The following DMD variants were observed in gnomAD, a reference collection of about 807,000 sequenced individuals.
DMD encodes mutant dystrophin.
Under a neutral mutation model 330.1 loss-of-function variants are expected in DMD, and 63 were observed. That is an observed-to-expected ratio of 0.19 (90% CI 0.16 to 0.24). The LOEUF (loss-of-function observed/expected upper bound fraction) is 0.24, where lower values mean the gene tolerates loss of function less well. DMD is among the 10% of genes least tolerant of loss of function. The pLI is 1.00. For missense variants in DMD, 3,344 were observed against 2,684.1 expected (o/e 1.25, Z -5.43); for synonymous variants, 1,223 against 959.8 (o/e 1.27, Z -5.07).
chrX:31,743,178 T>C (rs1312465382), intron 51 of DMD, among the ~76,000 whole-genome samples: 2 of 112,051 alleles, frequency 1.8e-5, no homozygotes, highest in South Asian at 3.7e-4. Context: ...CTGGCTATTA[T>C]TAAAAAGTCA....
chrX:32,842,214 G>T (rs1035027221), intron 4 of DMD, among the ~76,000 whole-genome samples: 1 of 111,979 alleles, frequency 8.9e-6, no homozygotes, highest in South Asian at 3.7e-4. Flanking sequence ...TCAGCGAAAC[G>T]GACAATGAAT....
chrX:32,699,460 G>A (rs927050278), intron 7 of DMD, among the ~76,000 whole-genome samples, 167 bp from the exon 8 acceptor site: 2 of 111,863 alleles, frequency 1.8e-5, no homozygotes, highest in Non-Finnish European at 3.8e-5. Context: ...GGCCTAAAAT[G>A]TCTTTCCAAT....
chrX:31,197,250 G>A (rs1329908125), intron 67 of DMD, among the ~76,000 whole-genome samples: 1 of 111,622 alleles, frequency 9.0e-6, no homozygotes, highest in Admixed American at 9.5e-5. Context: ...CGGTTTCAAA[G>A]CCTATGCACT....
intron 1 of DMD, among the ~76,000 whole-genome samples, chrX:33,150,499 G>A (rs2048235605): frequency 9.1e-6 from 1 of 109,291 alleles, no homozygotes; most frequent in African/African-American, 3.3e-5. Flanking sequence ...TCGCCATACT[G>A]GCCAGGTTGG....
intron 17 of DMD, among the ~76,000 whole-genome samples, chrX:32,520,087 T>C (rs2046271321): frequency 8.9e-6 from 1 of 111,833 alleles, no homozygotes; most frequent in Non-Finnish European, 1.9e-5. Context: ...CTAAATCCCA[T>C]GTCACTGAAT....
chrX:32,348,262 G>T, intron 38 of DMD, 144 bp downstream of exon 38: 1 of 612,629 alleles, frequency 1.6e-6, no homozygotes, highest in Non-Finnish European at 2.6e-6. Context: ...AAAAGGCCAA[G>T]AATATTCTGC....
intron 6 of DMD, among the ~76,000 whole-genome samples, chrX:32,810,122 C>CA (rs1168368689): frequency 9.1e-6 from 1 of 109,476 alleles, no homozygotes; most frequent in Admixed American, 9.8e-5. Context: ...GACCCTGTAT[C>CA]AAAAAAGAAT....
chrX:31,323,656 A>C lies in DMD; in HGVS notation c.9166T>G (p.Ser3056Ala). Residue 3056 changes from serine (S) to alanine (A), a missense_variant and splice_region_variant, in exon 62 of 79, where the codon TCT becomes GCT. Physicochemically the swap from Ser to Ala is moderately conservative, Grantham distance 99. Coordinates refer to ENST00000357033, the MANE Select transcript of DMD (RefSeq NM_004006.3). The stretch of plus-strand genomic sequence containing the variant: ...GCTCTCTCCCAGGGACCCTGGACAG[A>C]CGCTGAAAAGAAGGGAGGAAAAAAA... ...GPASQHFLSTSVQGPWERAIS... is the reference protein window; with the variant it reads ...GPASQHFLSTAVQGPWERAIS... 1 of 1,209,310 alleles carries C rather than the reference A, an allele frequency of 8.3e-7. No individual in the cohort carries two copies. Among genetic ancestry groups the C allele is most frequent in the Non-Finnish European group, 1.1e-6 (1 of 893,754 alleles).
intron 26 of DMD, among the ~76,000 whole-genome samples, chrX:32,454,189 T>A (rs1420674396): frequency 9.0e-6 from 1 of 111,409 alleles, no homozygotes; most frequent in Non-Finnish European, 1.9e-5. Context: ...AAAGTACATG[T>A]AAACTCAGTC....
At chrX:32,258,419 G>T (rs1365221539) in intron 43 of DMD, among the ~76,000 whole-genome samples, 1 of 111,524 alleles carries the variant, frequency 9.0e-6, no homozygotes, top group African/African-American at 3.3e-5. Flanking sequence ...CAACCCAAAT[G>T]CCCATCAATG....
At chrX:32,076,408 C>G (rs1392486664) in intron 44 of DMD, among the ~76,000 whole-genome samples, 33 of 99,750 alleles carry the variant, frequency 3.3e-4, no homozygotes, top group Middle Eastern at 5.3e-3. Context: ...GAGACAGAGT[C>G]TCGCTCTGTC....
chrX:31,845,422 T>TCTCTCTCTCTCC (rs1214050833), intron 48 of DMD, among the ~76,000 whole-genome samples: 3 of 89,543 alleles, frequency 3.4e-5, no homozygotes, highest in African/African-American at 8.9e-5. Flanking sequence ...TCTCTCTCTC[T>TCTCTCTCTCTCC]CTCCCTCTCC....
intron 29 of DMD, among the ~76,000 whole-genome samples, chrX:32,412,967 C>T (rs113058119): frequency 0.098 from 10,831 of 110,808 alleles, 474 homozygotes; most frequent in Non-Finnish European, 0.13. Flanking sequence ...AGTAAAACTA[C>T]AGTTAAAGGC....
At chrX:31,410,074 C>A (rs1443166340) in intron 60 of DMD, among the ~76,000 whole-genome samples, 6 of 112,275 alleles carry the variant, frequency 5.3e-5, no homozygotes, top group Admixed American at 3.8e-4. Context: ...CCCACCTCAG[C>A]CTCCCAAAGT....
intron 1 of DMD, among the ~76,000 whole-genome samples, chrX:33,307,662 C>G (rs1470302656): frequency 1.8e-5 from 2 of 111,431 alleles, no homozygotes; most frequent in African/African-American, 6.5e-5. Context: ...GCACTCCGGC[C>G]TGGGTGACAG....
At chrX:32,656,240 C>T (rs1013497789) in intron 9 of DMD, among the ~76,000 whole-genome samples, 20 of 111,748 alleles carry the variant, frequency 1.8e-4, no homozygotes, top group Non-Finnish European at 1.9e-4. Flanking sequence ...TTCGTCCTCC[C>T]TCCTGAAGGT....
At chrX:31,151,269 C>T (rs759411500) in intron 74 of DMD, among the ~76,000 whole-genome samples, 100 of 112,337 alleles carry the variant, frequency 8.9e-4, no homozygotes, top group African/African-American at 3.2e-3. Flanking sequence ...TCTATTTTTC[C>T]CTCTTCATTA....
At chrX:31,237,286 G>A (rs774353723) in intron 63 of DMD, among the ~76,000 whole-genome samples, 1 of 112,162 alleles carries the variant, frequency 8.9e-6, no homozygotes, top group South Asian at 3.7e-4. Context: ...CACAATTCAA[G>A]ATATTTAAGC....
At chrX:31,959,011 G>T (rs748768010) in intron 45 of DMD, among the ~76,000 whole-genome samples, 1 of 111,164 alleles carries the variant, frequency 9.0e-6, no homozygotes, top group Admixed American at 9.6e-5. Flanking sequence ...CTGGAAAAGG[G>T]ATCATCCTAG....
Sources: gnomAD v4.1 joint callset for allele counts (sites outside exome capture counted in the v4.1 genomes callset) on GRCh38, gnomAD v4.1.1 for gene constraint, MANE v1.5 for transcripts, NCBI Gene and HGNC (gene_info 2026-07-23, HGNC 2026-07-21) for gene names.